Variants in NBDY observed in about 807,000 individuals in gnomAD.
The protein encoded by NBDY is P-body dissociating protein.
chrX:56,806,932 T>A (rs1023207594), intron 2 of NBDY, among the ~76,000 whole-genome samples: 1 of 111,993 alleles, frequency 8.9e-6, no homozygotes. Flanking sequence ...TTCTTCTAGG[T>A]TTTTTATGGT....
At chrX:56,737,825 TC>T (rs1438590460) in intron 2 of NBDY, among the ~76,000 whole-genome samples, 22 of 112,016 alleles carry the variant, frequency 2.0e-4, no homozygotes, top group African/African-American at 6.8e-4. Context: ...TCCCAGAATG[TC>T]CTTTACCCAG....
chrX:56,742,997 C>T lies in NBDY; in HGVS notation c.*166+10798C>T, dbSNP rs185818456. Reference sequence around the variant, plus strand: ...GGTTTTATTATGTTGAGGTATGTTCCTTCTATACCCATTTTTGAAGGTTTT... The same window carrying T: ...GGTTTTATTATGTTGAGGTATGTTCTTTCTATACCCATTTTTGAAGGTTTT... On this transcript the variant is annotated intron_variant, in intron 2 of 2. Coordinates refer to ENST00000374922, the MANE Select transcript of NBDY (RefSeq NM_001348129.2). Among the ~76,000 whole-genome samples, 1,046 of 110,931 alleles carry T rather than the reference C, an allele frequency of 9.4e-3. 9 individuals are homozygous for T. Among genetic ancestry groups the T allele is most frequent in the Middle Eastern group, 0.028 (6 of 216 alleles).
At chrX:56,736,201 C>T (rs60464842) in intron 2 of NBDY, among the ~76,000 whole-genome samples, 13,397 of 111,819 alleles carry the variant, frequency 0.12, 1,622 homozygotes, top group African/African-American at 0.37. Flanking sequence ...TGGCTCCACA[C>T]TCTCACCTCC....
intron 2 of NBDY, among the ~76,000 whole-genome samples, chrX:56,749,624 C>T (rs1040967294): frequency 2.9e-5 from 3 of 103,663 alleles, no homozygotes; most frequent in Admixed American, 1.1e-4. Flanking sequence ...TCATTGTCTT[C>T]TAGTGTTGTC....
At chrX:56,812,401 G>T (rs2069891590) in intron 2 of NBDY, among the ~76,000 whole-genome samples, 1 of 109,991 alleles carries the variant, frequency 9.1e-6, no homozygotes, top group Non-Finnish European at 1.9e-5. Context: ...TATTGCCATA[G>T]GTGGCTGATT....
intron 2 of NBDY, among the ~76,000 whole-genome samples, chrX:56,814,778 C>A (rs2069903623): frequency 1.8e-5 from 2 of 111,124 alleles, no homozygotes; most frequent in Admixed American, 1.9e-4. Flanking sequence ...CAGACCTGAG[C>A]CACCATACCT....
intron 2 of NBDY, among the ~76,000 whole-genome samples, chrX:56,783,539 G>A (rs1477141564): frequency 8.9e-6 from 1 of 112,229 alleles, no homozygotes; most frequent in Non-Finnish European, 1.9e-5. Flanking sequence ...GATCTGTCTC[G>A]GGGCCTCTAG....
At chrX:56,764,225 C>T (rs191883173) in intron 2 of NBDY, among the ~76,000 whole-genome samples, 160 of 112,576 alleles carry the variant, frequency 1.4e-3, no homozygotes, top group African/African-American at 2.6e-3. Context: ...CTCCTTTGTT[C>T]CCCGGGAGGA....
intron 2 of NBDY, among the ~76,000 whole-genome samples, chrX:56,784,647 T>G (rs1389647885): frequency 9.0e-6 from 1 of 111,446 alleles, no homozygotes; most frequent in Non-Finnish European, 1.9e-5. Context: ...TAGAGGTGGA[T>G]CCTGGAATGT....
chrX:56,814,973 T>A (rs756297974), intron 2 of NBDY, among the ~76,000 whole-genome samples: 1 of 111,713 alleles, frequency 9.0e-6, no homozygotes, highest in South Asian at 3.7e-4. Context: ...TCTATAATGC[T>A]TTTTACATTT....
chrX:56,767,552 G>A (rs918029018), intron 2 of NBDY, among the ~76,000 whole-genome samples: 3 of 113,224 alleles, frequency 2.6e-5, no homozygotes, highest in African/African-American at 6.4e-5. Flanking sequence ...GGGAGTTGCC[G>A]GTCGGCATGA....
chrX:56,789,867 C>T lies in NBDY; in HGVS notation c.*167-27453C>T, dbSNP rs766820964. 9.0e-5 allele frequency among the ~76,000 whole-genome samples: 10 copies of T among 111,660 alleles called. No individual in the cohort carries two copies. In the Middle Eastern group the frequency reaches 0.019, roughly 207 times the overall value. On this transcript the variant is annotated intron_variant, in intron 2 of 2. Coordinates refer to ENST00000374922, the MANE Select transcript of NBDY (RefSeq NM_001348129.2). The stretch of plus-strand genomic sequence containing the variant: ...TCATTCTTCCCATGTGCATGGGTAG[C>T]CAGAGCCCAGACAGTGCTTGCCTTC...
rs189572396 is a variant in NBDY at position 56,804,217 on chromosome X, G to A, written c.*167-13103G>A. Among the ~76,000 whole-genome samples, 35 of 111,996 alleles carry A rather than the reference G, an allele frequency of 3.1e-4. 1 individual carries two copies. The highest frequency in any genetic ancestry group is 3.0e-3 in the Admixed American group (32 of 10,606). On this transcript the variant is annotated intron_variant, in intron 2 of 2. Transcript: ENST00000374922. ...GGGAACACACTGTTTCTTGGGGAAG[G>A]GACAAAAGCTTGGATCAAAAGCACC...
intron 2 of NBDY, among the ~76,000 whole-genome samples, chrX:56,739,232 G>GTGTGTATATATATATATATATATATATA (rs1302555732): frequency 1.5e-5 from 1 of 64,654 alleles, no homozygotes; most frequent in African/African-American, 6.1e-5. Flanking sequence ...ATGTGTGTTT[G>GTGTGTATATATATATATATATATATATA]TGTGTGTATA....
At chrX:56,766,466 ACCCACACAAACACACACAT>A (rs1353180394) in intron 2 of NBDY, among the ~76,000 whole-genome samples, 1 of 111,761 alleles carries the variant, frequency 8.9e-6, no homozygotes, top group Non-Finnish European at 1.9e-5. Flanking sequence ...GCTTACACAT[ACCCACACAAACACACACAT>A]ACACACACAT....
intron 2 of NBDY, among the ~76,000 whole-genome samples, chrX:56,762,282 T>C (rs918685924): frequency 1.8e-5 from 2 of 111,047 alleles, no homozygotes; most frequent in African/African-American, 6.6e-5. Context: ...CTCTTTTCTT[T>C]TCTTTTCTTT....
At chrX:56,797,474 A>C (rs1227242283) in intron 2 of NBDY, among the ~76,000 whole-genome samples, 2 of 110,011 alleles carry the variant, frequency 1.8e-5, no homozygotes, top group African/African-American at 6.6e-5. Flanking sequence ...TTCTTCTTAA[A>C]AGAACAGCGA....
chrX:56,758,311 G>C (rs1466379388), intron 2 of NBDY, among the ~76,000 whole-genome samples: 1 of 77,636 alleles, frequency 1.3e-5, no homozygotes, highest in Non-Finnish European at 2.6e-5. Context: ...GTGAGACTCT[G>C]TCTCGAAAAA....
chrX:56,789,923 G>A (rs561970082), intron 2 of NBDY, among the ~76,000 whole-genome samples: 3 of 111,425 alleles, frequency 2.7e-5, no homozygotes, highest in Non-Finnish European at 5.7e-5. Context: ...CCTGTTCTGC[G>A]TGTCGAAATG....
Sources: gnomAD v4.1 joint callset for allele counts (sites outside exome capture counted in the v4.1 genomes callset) on GRCh38, gnomAD v4.1.1 for gene constraint, MANE v1.5 for transcripts, NCBI Gene and HGNC (gene_info 2026-07-23, HGNC 2026-07-21) for gene names.